The following WWOX variants were observed in gnomAD, a reference collection of about 807,000 sequenced individuals.
WWOX encodes WW domain containing oxidoreductase.
A neutral mutation model predicts 46.2 loss-of-function variants in WWOX; 69 were observed. The observed-to-expected ratio is 1.49, with a 90% CI of 1.23 to 1.82. The LOEUF (loss-of-function observed/expected upper bound fraction) is 1.82, where lower values mean the gene tolerates loss of function less well. Ranked by LOEUF, WWOX falls within the 40% of genes most tolerant of loss-of-function variation. The pLI is 0.00. For missense variants in WWOX, 919 were observed against 542.6 expected (o/e 1.69, Z -6.89); for synonymous variants, 359 against 202.6 (o/e 1.77, Z -6.56).
chr16:78,606,250 CTT>C (rs1567431506), intron 8 of WWOX, among the ~76,000 whole-genome samples: 2 of 152,114 alleles, frequency 1.3e-5, no homozygotes, highest in African/African-American at 2.4e-5. Context: ...TTTGTAGTCT[CTT>C]TTTTAATTTG....
chr16:79,053,888 A>G (rs1401305598), intron 8 of WWOX, among the ~76,000 whole-genome samples: 1 of 152,148 alleles, frequency 6.6e-6, no homozygotes, highest in Non-Finnish European at 1.5e-5. Flanking sequence ...AAACAGCTTT[A>G]TAGTACCCCA....
chr16:78,660,141 C>T (rs2047177887), intron 8 of WWOX, among the ~76,000 whole-genome samples: 1 of 152,096 alleles, frequency 6.6e-6, no homozygotes, highest in Non-Finnish European at 1.5e-5. Flanking sequence ...AGGGCCTTTC[C>T]CATCTGTTTA....
intron 5 of WWOX, among the ~76,000 whole-genome samples, chr16:78,239,574 A>T (rs1207677996): frequency 6.6e-6 from 1 of 151,970 alleles, no homozygotes; most frequent in East Asian, 1.9e-4. Context: ...TCGCTTTGTC[A>T]TACAGGCTGG....
At chr16:78,284,472 A>G (rs371426010) in intron 5 of WWOX, among the ~76,000 whole-genome samples, 40 of 152,334 alleles carry the variant, frequency 2.6e-4, no homozygotes, top group African/African-American at 9.6e-4. Context: ...GTTAACATAA[A>G]CATGGAGCTC....
intron 8 of WWOX, among the ~76,000 whole-genome samples, chr16:78,469,098 A>G: frequency 6.6e-6 from 1 of 152,202 alleles, no homozygotes; most frequent in African/African-American, 2.4e-5. Context: ...AAATACTCAA[A>G]TGCCATTGAG....
At chr16:78,416,222 T>C (rs1222905396) in intron 6 of WWOX, among the ~76,000 whole-genome samples, 2 of 152,220 alleles carry the variant, frequency 1.3e-5, no homozygotes, top group Admixed American at 1.3e-4. Flanking sequence ...TCATAGTCTG[T>C]AAATATTCAT....
Position 78,680,007 on chromosome 16 carries a change from G to A in WWOX, c.1056+247255G>A, listed in dbSNP as rs62036104. Among the ~76,000 whole-genome samples the A allele has an allele frequency of 2.7e-3, 416 of 152,284 alleles. 2 individuals are homozygous for A. Among genetic ancestry groups the A allele is most frequent in the Middle Eastern group, 0.01 (3 of 294 alleles). On this transcript the variant is annotated intron_variant, in intron 8 of 8. Transcript: ENST00000566780. The stretch of plus-strand genomic sequence containing the variant: ...GCCCTACCACTAACTGACTCCATGC[G>A]CTCCTATCGGTTCTTTATTTTACCT...
intron 8 of WWOX, among the ~76,000 whole-genome samples, chr16:78,756,319 A>G (rs778659063): frequency 5.9e-5 from 9 of 151,304 alleles, no homozygotes; most frequent in Non-Finnish European, 1.3e-4. Context: ...TGTATTTGAA[A>G]CAAACAAAAA....
At chr16:78,688,889 C>G (rs1207981004) in intron 8 of WWOX, among the ~76,000 whole-genome samples, 1 of 152,126 alleles carries the variant, frequency 6.6e-6, no homozygotes, top group Non-Finnish European at 1.5e-5. Flanking sequence ...TGAGTTCTCA[C>G]AAGATTTGAT....
chr16:78,956,591 C>T (rs189094941), intron 8 of WWOX, among the ~76,000 whole-genome samples: 1 of 151,686 alleles, frequency 6.6e-6, no homozygotes, highest in African/African-American at 2.4e-5. Context: ...TATCATACAT[C>T]ATATATTGTA....
intron 5 of WWOX, among the ~76,000 whole-genome samples, chr16:78,383,752 G>T (rs143147298): frequency 6.6e-6 from 1 of 152,096 alleles, no homozygotes; most frequent in Non-Finnish European, 1.5e-5. Flanking sequence ...CCATTTCTCA[G>T]GATTGGTAGC....
chr16:79,125,044 C>A (rs2049721061), intron 8 of WWOX, among the ~76,000 whole-genome samples: 1 of 108,728 alleles, frequency 9.2e-6, no homozygotes. Flanking sequence ...CCTATTTTCC[C>A]ATCTTTTTTT....
intron 8 of WWOX, among the ~76,000 whole-genome samples, chr16:78,779,048 G>A (rs761107022): frequency 7.9e-5 from 12 of 152,178 alleles, no homozygotes; most frequent in Admixed American, 7.2e-4. Flanking sequence ...CTTGTGGAAT[G>A]TTATAGCCGG....
At chr16:78,750,675 T>C (rs1248412651) in intron 8 of WWOX, among the ~76,000 whole-genome samples, 1 of 152,118 alleles carries the variant, frequency 6.6e-6, no homozygotes, top group Non-Finnish European at 1.5e-5. Flanking sequence ...CCCCAGAGTC[T>C]ATTGTTCCTG....
chr16:78,100,496 CA>C (rs2031702921), intron 1 of WWOX, among the ~76,000 whole-genome samples: 1 of 152,206 alleles, frequency 6.6e-6, no homozygotes, highest in Non-Finnish European at 1.5e-5. Context: ...TCAAGCAGGC[CA>C]CCTGCCTCAG....
chr16:78,412,577 A>T (rs964395401), intron 6 of WWOX, among the ~76,000 whole-genome samples: 1 of 152,166 alleles, frequency 6.6e-6, no homozygotes, highest in African/African-American at 2.4e-5. Flanking sequence ...ATGGAGTGGT[A>T]GTGGCATTGG....
intron 8 of WWOX, among the ~76,000 whole-genome samples, chr16:78,815,568 C>G (rs367559098): frequency 7.2e-4 from 109 of 152,268 alleles, no homozygotes; most frequent in African/African-American, 2.4e-3. Context: ...CCTCCTTGCC[C>G]AATGCGTAAG....
At chr16:78,345,618 T>G (rs1597070717) in intron 5 of WWOX, among the ~76,000 whole-genome samples, 2 of 71,982 alleles carry the variant, frequency 2.8e-5, no homozygotes, top group African/African-American at 9.5e-5. Flanking sequence ...TCAGTCTGGG[T>G]GGCAGAGCAA....
intron 8 of WWOX, among the ~76,000 whole-genome samples, chr16:78,707,321 T>C (rs751004704): frequency 1.3e-5 from 2 of 152,228 alleles, no homozygotes; most frequent in African/African-American, 2.4e-5. Context: ...AACAATTGTG[T>C]AACCACTAAA....
Sources: gnomAD v4.1 joint callset for allele counts (sites outside exome capture counted in the v4.1 genomes callset) on GRCh38, gnomAD v4.1.1 for gene constraint, MANE v1.5 for transcripts, NCBI Gene and HGNC (gene_info 2026-07-23, HGNC 2026-07-21) for gene names.